The following SSTR5 variants were observed in gnomAD, a reference collection of about 807,000 sequenced individuals.
SSTR5 encodes somatostatin receptor 5, also known as somatostatin receptor type 5.
Under a neutral mutation model 0.3 loss-of-function variants are expected in SSTR5, and 1 was observed. The ratio of observed to expected loss-of-function variants is 2.98; its 90% CI spans 1.06 to 14.15. SSTR5 has a LOEUF of 14.15. Among genes scored for constraint, SSTR5 ranks in the 30% most tolerant of loss-of-function variants. SSTR5 has a pLI of 0.12. For missense variants in SSTR5, 516 were observed against 543.2 expected, an observed-to-expected ratio of 0.95 and a Z score of 0.50; for synonymous variants, 256 against 263.1, an observed-to-expected ratio of 0.97 and a Z score of 0.26.
rs771072236 is a variant in SSTR5, at chr16:1,079,124, G to A, written c.256G>A (p.Asp86Asn). The change falls in exon 2 of 2, where the codon GAC becomes AAC. Residue 86 changes from aspartate to asparagine, a missense_variant. Coordinates refer to ENST00000689027, the MANE Select transcript of SSTR5 (RefSeq NM_001172560.3). ...CTACATTCTCAACCTGGCAGTGGCC[G>A]ACGTCCTGTACATGCTGGGGCTGCC... ...NIYILNLAVA[D>N]VLYMLGLPFL... 54 of 1,612,562 alleles carry A rather than the reference G, an allele frequency of 3.3e-5. No individual in the cohort carries two copies. The highest frequency in any genetic ancestry group is 4.2e-5 in the Non-Finnish European group (50 of 1,179,946).
In SSTR5 at chr16:1,081,284, T is replaced by C. The variant is rs561785033; in HGVS notation, c.*1321T>C. 1.5e-4 allele frequency: 54 copies of C among 371,594 alleles called. No individual in the cohort carries two copies. The highest frequency in any genetic ancestry group is 1.1e-3 in the African/African-American group (51 of 46,792). 23.0% of individuals were successfully genotyped at this position (371,594 alleles called of 1,614,324 possible). On this transcript the variant is annotated 3_prime_UTR_variant, in exon 2 of 2. Transcript: ENST00000689027. Reference sequence around the variant, plus strand: ...CTGGCCCCGACCCGTGCTCCCGCCGTCTGCCCAGAGCAGGACCTCAACCTC... The same window carrying C: ...CTGGCCCCGACCCGTGCTCCCGCCGCCTGCCCAGAGCAGGACCTCAACCTC...
Position 1,079,300 on chromosome 16 carries a change from G to A in SSTR5, c.432G>A (p.Pro144=), listed in dbSNP as rs535099279. The change falls in exon 2 of 2, where the codon CCG becomes CCA. Residue 144 remains proline (P), a synonymous_variant. Transcript: ENST00000689027. ...ACCGCTACCTGGCAGTGGTGCACCC[G>A]CTGAGCTCGGCCCGCTGGCGCCGCC... ...SVDRYLAVVH[P]LSSARWRRPR... is the part of the protein sequence containing the mutation. 1.2e-5 allele frequency: 20 copies of A among 1,610,396 alleles called. No homozygotes were observed. Among genetic ancestry groups the A allele is most frequent in the East Asian group, 6.7e-5 (3 of 44,816 alleles).
At chr16:1,076,633 T>G (rs970832849) in intron 1 of SSTR5, among the ~76,000 whole-genome samples, 8 of 152,064 alleles carry the variant, frequency 5.3e-5, no homozygotes, top group African/African-American at 1.7e-4. Flanking sequence ...GCCAGCACCC[T>G]GCTCCAGTGA....
intron 1 of SSTR5, among the ~76,000 whole-genome samples, chr16:1,075,543 C>T (rs1488228960): frequency 2.0e-5 from 3 of 152,082 alleles, no homozygotes; most frequent in Admixed American, 1.3e-4. Context: ...GGAGATGGAC[C>T]GGAGCCCGAC....
At chr16:1,076,917 C>T (rs769556259) in intron 1 of SSTR5, among the ~76,000 whole-genome samples, 7 of 152,148 alleles carry the variant, frequency 4.6e-5, no homozygotes, top group Non-Finnish European at 7.3e-5. Context: ...TTTTATCTCC[C>T]TGAGATGGAT....
chr16:1,073,413 G>A (rs1361470081), intron 1 of SSTR5, among the ~76,000 whole-genome samples: 1 of 152,230 alleles, frequency 6.6e-6, no homozygotes, highest in Non-Finnish European at 1.5e-5. Flanking sequence ...GGGTCGGTGA[G>A]CTCCTGGAAG....
chr16:1,078,295 G>C (rs904970322), intron 1 of SSTR5: 1 of 158,610 alleles, frequency 6.3e-6, no homozygotes, highest in Non-Finnish European at 1.4e-5. Context: ...AGTCCCTCGA[G>C]GCTGCGGTGG....
chr16:1,075,882 C>T (rs1334532267), intron 1 of SSTR5, among the ~76,000 whole-genome samples: 4 of 115,862 alleles, frequency 3.5e-5, no homozygotes, highest in Admixed American at 1.6e-4. Flanking sequence ...CTCCCCCTAC[C>T]CTGTCTCTCT....
At chr16:1,074,314 G>A (rs1014675359) in intron 1 of SSTR5, among the ~76,000 whole-genome samples, 12 of 152,328 alleles carry the variant, frequency 7.9e-5, no homozygotes, top group East Asian at 5.8e-4. Context: ...TCCAGGGTGC[G>A]GCGTGGGCCC....
Position 1,080,524 on chromosome 16 carries a change from A to ATGCAG in SSTR5, c.*561_*562insTGCAG, listed in dbSNP as rs1380309510. 2.0e-5 allele frequency among the ~76,000 whole-genome samples: 3 copies of ATGCAG among 152,096 alleles called. No individual in the cohort carries two copies. Reference sequence around the variant, plus strand: ...ACTCTGGGGATGCAGGTGTAAGGGGAGTGTGGCTGGGCAGCCCCTGGTCAG... The same window carrying ATGCAG: ...ACTCTGGGGATGCAGGTGTAAGGGGATGCAGGTGTGGCTGGGCAGCCCCTGGTCAG... On this transcript the variant is annotated 3_prime_UTR_variant, in exon 2 of 2. Coordinates refer to ENST00000689027, the MANE Select transcript of SSTR5 (RefSeq NM_001172560.3).
At chr16:1,076,808 G>A (rs60743165) in intron 1 of SSTR5, among the ~76,000 whole-genome samples, 10,056 of 151,984 alleles carry the variant, frequency 0.066, 1,081 homozygotes, top group African/African-American at 0.23. Flanking sequence ...TTACTCCTTA[G>A]ACAGAAGCCA....
At chr16:1,074,583 G>T (rs548919608) in intron 1 of SSTR5, among the ~76,000 whole-genome samples, 1 of 152,346 alleles carries the variant, frequency 6.6e-6, no homozygotes, top group East Asian at 1.9e-4. Context: ...CTGGGGAAAT[G>T]CTGGGCTGCT....
rs78134725 is a variant in SSTR5 at position 1,080,929 on chromosome 16, G to A, written c.*966G>A. ...GCTTTGGGGCAGGGGCTCTGGCCCG[G>A]GAGAGGGAACGGGGACAGGAGCAGA... is the stretch of plus-strand genomic sequence containing the variant. On this transcript the variant is annotated 3_prime_UTR_variant, in exon 2 of 2. Coordinates refer to ENST00000689027, the MANE Select transcript of SSTR5 (RefSeq NM_001172560.3). 25,691 of 415,346 alleles carry A rather than the reference G, an allele frequency of 0.062. 1,196 individuals carry two copies. Among genetic ancestry groups the A allele is most frequent in the South Asian group, 0.13 (7,555 of 56,930 alleles). 25.7% of individuals were successfully genotyped at this position (415,346 alleles called of 1,614,324 possible). A position where few individuals can be genotyped will look rare whatever the true frequency, so the allele number is the denominator to read the frequency against.
chr16:1,080,170 G>A lies in SSTR5; in HGVS notation c.*207G>A. On this transcript the variant is annotated 3_prime_UTR_variant, in exon 2 of 2. Coordinates refer to ENST00000689027, the MANE Select transcript of SSTR5 (RefSeq NM_001172560.3). Reference sequence around the variant, plus strand: ...CCTCTAACCGTCTGCCACACAGCGGGGGCTCCCGGGAGGTAGGGGAGGTGG... The same window carrying A: ...CCTCTAACCGTCTGCCACACAGCGGAGGCTCCCGGGAGGTAGGGGAGGTGG... The A allele has an allele frequency of 1.4e-6, 1 of 691,420 alleles. No homozygotes were observed. The allele number at this position is 691,420 out of a possible 1,614,324, so 42.8% of individuals were successfully genotyped here.
In SSTR5 at chr16:1,080,323, G is replaced by T. The variant is rs1353109499; in HGVS notation, c.*360G>T. ...TTCCAGAAGGCCGGCCAGGCGAGAGGGTCTTCCTGACGGCGGAGCTGACCT... is the reference window on the plus strand; with the variant it reads ...TTCCAGAAGGCCGGCCAGGCGAGAGTGTCTTCCTGACGGCGGAGCTGACCT... On this transcript the variant is annotated 3_prime_UTR_variant, in exon 2 of 2. Coordinates refer to ENST00000689027, the MANE Select transcript of SSTR5 (RefSeq NM_001172560.3). Among the ~76,000 whole-genome samples the T allele has an allele frequency of 6.6e-6, 1 of 152,230 alleles. No individual in the cohort carries two copies. The highest frequency in any genetic ancestry group is 1.5e-5 in the Non-Finnish European group (1 of 68,038).
chr16:1,081,231 C>A lies in SSTR5; in HGVS notation c.*1268C>A, dbSNP rs1960373411. ...GGACCAGGGTGCGGCATCACTCGGC[C>A]TCAGGGACCCCTCTGCCCTGCCCAG... On this transcript the variant is annotated 3_prime_UTR_variant, in exon 2 of 2. Coordinates refer to ENST00000689027, the MANE Select transcript of SSTR5 (RefSeq NM_001172560.3). 3 of 428,944 alleles carry A rather than the reference C, an allele frequency of 7.0e-6. No individual in the cohort carries two copies. Among genetic ancestry groups the A allele is most frequent in the Non-Finnish European group, 1.5e-5 (3 of 203,440 alleles). The allele number at this position is 428,944 out of a possible 1,614,324, so 26.6% of individuals were successfully genotyped here.
intron 1 of SSTR5, among the ~76,000 whole-genome samples, chr16:1,077,073 C>T (rs868391181): frequency 3.3e-5 from 5 of 152,166 alleles, no homozygotes; most frequent in Admixed American, 6.5e-5. Context: ...TGGGCTCCCC[C>T]GTCCCCAGCT....
Position 1,080,000 on chromosome 16 carries a change from C to T in SSTR5, c.*37C>T, listed in dbSNP as rs2151559018. The stretch of plus-strand genomic sequence containing the variant: ...GGGGGTGGGCGGCCCCGTGTCACCC[C>T]CAGGAGCGGAGGTTGCACTGCGGTG... On this transcript the variant is annotated 3_prime_UTR_variant, in exon 2 of 2. Transcript: ENST00000689027. The T allele has an allele frequency of 6.4e-7, 1 of 1,554,624 alleles. No homozygotes were observed. Among genetic ancestry groups the T allele is most frequent in the Non-Finnish European group, 8.7e-7 (1 of 1,152,288 alleles).
intron 1 of SSTR5, chr16:1,078,448 G>A (rs1001990220): frequency 1.6e-5 from 3 of 190,206 alleles, no homozygotes; most frequent in Admixed American, 5.6e-5. Context: ...GCTGGGCCTC[G>A]GCTCCTTACC....
Sources: allele counts gnomAD v4.1 joint callset (sites outside exome capture counted in the v4.1 genomes callset), GRCh38; gene constraint gnomAD v4.1.1; transcripts MANE v1.5; gene names NCBI Gene and HGNC (gene_info 2026-07-23, HGNC 2026-07-21).